Variants in PPP1R13B observed in about 807,000 individuals in gnomAD.
PPP1R13B encodes the protein apoptosis-stimulating of p53 protein 1.
A neutral mutation model predicts 119.8 loss-of-function variants in PPP1R13B; 44 were observed. That is an observed-to-expected ratio of 0.37 (90% confidence interval 0.29 to 0.47). The LOEUF is 0.47. Ranked by LOEUF, PPP1R13B falls within the 20% of genes least tolerant of loss-of-function variation. The pLI is 0.99. For missense variants in PPP1R13B, 1,227 were observed against 1,413.5 expected, an observed-to-expected ratio of 0.87 and a Z score of 2.12; for synonymous variants, 542 against 561.5, an observed-to-expected ratio of 0.97 and a Z score of 0.49.
At chr14:103,823,538 A>G (rs1478366684) in intron 1 of PPP1R13B, among the ~76,000 whole-genome samples, 1 of 152,114 alleles carries the variant, frequency 6.6e-6, no homozygotes, top group East Asian at 1.9e-4. Flanking sequence ...GCCAAAACTC[A>G]TGGGCTCTGG....
intron 1 of PPP1R13B, among the ~76,000 whole-genome samples, chr14:103,808,102 G>A (rs760404512): frequency 8.6e-5 from 13 of 151,980 alleles, no homozygotes; most frequent in Non-Finnish European, 1.3e-4. Flanking sequence ...AAAATTAGCT[G>A]GGCGTGGTGG....
rs186243934 is a variant in PPP1R13B, at chr14:103,846,108, C to A, written c.9+1191G>T. On this transcript the variant is annotated intron_variant, in intron 1 of 16. Coordinates refer to ENST00000202556, the MANE Select transcript of PPP1R13B (RefSeq NM_015316.3). Reference sequence around the variant, plus strand: ...GATCTTCTGATGCTCATCCAATTCTCTTTCCATTACAAGACAATTATTCAT... The same window carrying A: ...GATCTTCTGATGCTCATCCAATTCTATTTCCATTACAAGACAATTATTCAT... Among the ~76,000 whole-genome samples, 110 of 152,312 alleles carry A rather than the reference C, an allele frequency of 7.2e-4. 1 individual carries two copies. The highest frequency in any genetic ancestry group is 1.1e-3 in the Non-Finnish European group (76 of 68,034).
At chr14:103,807,128 G>A (rs1311054102) in intron 1 of PPP1R13B, among the ~76,000 whole-genome samples, 1 of 152,144 alleles carries the variant, frequency 6.6e-6, no homozygotes, top group Non-Finnish European at 1.5e-5. Flanking sequence ...GCCAACTCCT[G>A]CCTCAGGGGC....
chr14:103,753,510 C>T lies in PPP1R13B; in HGVS notation c.632-314G>A, dbSNP rs141821169. Among the ~76,000 whole-genome samples, 124 of 152,234 alleles carry T rather than the reference C, an allele frequency of 8.1e-4. 1 individual carries two copies. The highest frequency in any genetic ancestry group is 2.9e-3 in the African/African-American group (120 of 41,546). ...AAGGCAGGGCCATCCAAGCCTCTCT[C>T]GTGCATCACTGTGACTTAAAGTAGG... On this transcript the variant is annotated intron_variant, in intron 6 of 16. Transcript: ENST00000202556.
At chr14:103,818,726 C>T (rs902571670) in intron 1 of PPP1R13B, among the ~76,000 whole-genome samples, 11 of 152,148 alleles carry the variant, frequency 7.2e-5, no homozygotes, top group Non-Finnish European at 1.3e-4. Context: ...GAAAAATGTT[C>T]TTCATTATAC....
chr14:103,817,050 T>G (rs2086297814), intron 1 of PPP1R13B, among the ~76,000 whole-genome samples: 1 of 152,240 alleles, frequency 6.6e-6, no homozygotes, highest in Non-Finnish European at 1.5e-5. Flanking sequence ...TTACTGTTCT[T>G]AAAATATTTC....
chr14:103,837,919 G>C (rs895262660), intron 1 of PPP1R13B, among the ~76,000 whole-genome samples: 1 of 152,102 alleles, frequency 6.6e-6, no homozygotes, highest in Non-Finnish European at 1.5e-5. Context: ...AGGAGTTCAA[G>C]ACCAGCCTGG....
At chr14:103,818,814 T>C (rs1032543013) in intron 1 of PPP1R13B, among the ~76,000 whole-genome samples, 1 of 152,176 alleles carries the variant, frequency 6.6e-6, no homozygotes, top group Admixed American at 6.5e-5. Flanking sequence ...TCTGCCCTTA[T>C]GGAATTCTTA....
intron 8 of PPP1R13B, among the ~76,000 whole-genome samples, chr14:103,747,934 G>A (rs889439530): frequency 9.9e-5 from 15 of 152,268 alleles, no homozygotes; most frequent in African/African-American, 1.7e-4. Context: ...CTGAGAAAGC[G>A]GGATCCTGCC....
At chr14:103,830,601 C>T (rs757732658) in intron 1 of PPP1R13B, among the ~76,000 whole-genome samples, 2 of 152,168 alleles carry the variant, frequency 1.3e-5, no homozygotes, top group African/African-American at 2.4e-5. Context: ...TTTACTGCCT[C>T]CCAGTAGTTT....
chr14:103,776,587 A>G (rs1193203773), intron 4 of PPP1R13B, among the ~76,000 whole-genome samples: 1 of 152,114 alleles, frequency 6.6e-6, no homozygotes, highest in East Asian at 1.9e-4. Flanking sequence ...AAGAAACTCA[A>G]TCAGGCTGGG....
chr14:103,847,691 A>G (rs2087096093), upstream of PPP1R13B: 8 of 903,762 alleles, frequency 8.9e-6, no homozygotes, highest in South Asian at 5.0e-5. Flanking sequence ...GGGCGGGGAG[A>G]GGGGCGGGGC....
chr14:103,810,917 C>T (rs182436806), intron 1 of PPP1R13B, among the ~76,000 whole-genome samples: 2 of 144,934 alleles, frequency 1.4e-5, no homozygotes, highest in Non-Finnish European at 3.0e-5. Flanking sequence ...GGTGAAGCCC[C>T]GTCTCTACTA....
intron 1 of PPP1R13B, among the ~76,000 whole-genome samples, chr14:103,823,045 C>T (rs2086448543): frequency 6.6e-6 from 1 of 151,818 alleles, no homozygotes; most frequent in Admixed American, 6.6e-5. Context: ...TCTCTTAGAA[C>T]AGGGACAATT....
At chr14:103,820,652 A>ATTTTTT (rs35928276) in intron 1 of PPP1R13B, among the ~76,000 whole-genome samples, 17 of 102,598 alleles carry the variant, frequency 1.7e-4, no homozygotes, top group Admixed American at 2.4e-4. Flanking sequence ...CATGCCCAGG[A>ATTTTTT]TTTTTTTTTT....
intron 4 of PPP1R13B, among the ~76,000 whole-genome samples, chr14:103,766,014 T>C (rs928540693): frequency 1.3e-5 from 2 of 148,410 alleles, no homozygotes; most frequent in Non-Finnish European, 3.0e-5. Context: ...ATTATTATTA[T>C]TATTATTATT....
At chr14:103,832,260 T>C (rs2086679317) in intron 1 of PPP1R13B, among the ~76,000 whole-genome samples, 1 of 152,214 alleles carries the variant, frequency 6.6e-6, no homozygotes. Context: ...ATCTGTCATC[T>C]GTAATTGTGA....
chr14:103,800,687 ATT>A (rs887283011), intron 1 of PPP1R13B, among the ~76,000 whole-genome samples: 1 of 151,430 alleles, frequency 6.6e-6, no homozygotes, highest in Non-Finnish European at 1.5e-5. Context: ...AAAAAAAAAG[ATT>A]TTTTTTTCTT....
Position 103,754,066 on chromosome 14 carries a change from G to C in PPP1R13B, c.631+4C>G, listed in dbSNP as rs199508654. ...GGTGTCGAGGGGGTGTTGCAGGCAC[G>C]TACACAGATTGCCGTTCATGATTTT... On this transcript the variant is annotated splice_donor_region_variant and intron_variant, in intron 6 of 16. Transcript: ENST00000202556. The C allele has an allele frequency of 5.1e-5, 83 of 1,613,764 alleles. No homozygotes were observed. In the South Asian group the frequency reaches 6.0e-4, roughly 12 times the overall value.
Sources: gnomAD v4.1 joint callset for allele counts (sites outside exome capture counted in the v4.1 genomes callset) on GRCh38, gnomAD v4.1.1 for gene constraint, MANE v1.5 for transcripts, NCBI Gene and HGNC (gene_info 2026-07-23, HGNC 2026-07-21) for gene names.